GMEB2: variants seen among roughly 807,000 people sequenced by gnomAD.
GMEB2 encodes the protein glucocorticoid modulatory element-binding protein 2.
GMEB2 carries 7 observed loss-of-function variants against 45.7 expected under a neutral mutation model. The ratio of observed to expected loss-of-function variants is 0.15; its 90% CI spans 0.09 to 0.29. The LOEUF is 0.29. GMEB2 is among the 10% of genes least tolerant of loss of function. GMEB2 has a pLI of 1.00. For synonymous variants in GMEB2, 322 were observed against 323.6 expected, an observed-to-expected ratio of 1.00 and a Z score of 0.05; for missense variants, 582 against 739.2, an observed-to-expected ratio of 0.79 and a Z score of 2.47.
chr20:63,589,180 A>G lies in GMEB2; in HGVS notation c.*909T>C, dbSNP rs2083120378. The G allele has an allele frequency of 2.5e-6, 1 of 399,228 alleles. No individual in the cohort carries two copies. The highest frequency in any genetic ancestry group is 4.4e-6 in the Non-Finnish European group (1 of 226,118). 24.7% of individuals were successfully genotyped at this position (399,228 alleles called of 1,614,324 possible). ...GCCTCTGCCCCAGGACTGAAGCCCT[A>G]GGGACACACCTCATGGATCTCAGAC... On this transcript the variant is annotated 3_prime_UTR_variant, in exon 10 of 10. Coordinates refer to ENST00000370077, the MANE Select transcript of GMEB2 (RefSeq NM_012384.5).
rs1197986362 is a variant in GMEB2, at chr20:63,590,636, G to A, written c.1046C>T (p.Pro349Leu). The A allele has an allele frequency of 1.9e-6, 3 of 1,587,714 alleles. No homozygotes were observed. The highest frequency in any genetic ancestry group is 2.6e-6 in the Non-Finnish European group (3 of 1,165,606). The part of the protein sequence containing the change: ...HLSNVLMTLT[P>L]VSLPPPVKRP... ...CTTCACAGGCGGTGGCAGGGAGACCGGCGTCAGCGTCATGAGCACGTTGCT... is the reference window on the plus strand; with the variant it reads ...CTTCACAGGCGGTGGCAGGGAGACCAGCGTCAGCGTCATGAGCACGTTGCT... The change falls in exon 10 of 10, where the codon CCG (proline) becomes CTG (leucine). Residue 349 changes from proline (P) to leucine (L), a missense_variant. Pro to Leu is a moderately conservative substitution (Grantham distance 98). Transcript: ENST00000370077.
intron 9 of GMEB2, 75 bp downstream of exon 9, chr20:63,591,947 C>G: frequency 7.4e-7 from 1 of 1,348,356 alleles, no homozygotes; most frequent in Non-Finnish European, 1.0e-6. Context: ...GGATGCACAG[C>G]CGTGGGGTGA....
chr20:63,623,438 C>T (rs2089651678), intron 1 of GMEB2, among the ~76,000 whole-genome samples: 2 of 152,200 alleles, frequency 1.3e-5, no homozygotes, highest in South Asian at 4.1e-4. Context: ...ATAATGTTTT[C>T]ACTAGCATAA....
At chr20:63,624,135 G>A (rs1055273666) in intron 1 of GMEB2, among the ~76,000 whole-genome samples, 1 of 151,362 alleles carries the variant, frequency 6.6e-6, no homozygotes, top group Non-Finnish European at 1.5e-5. Flanking sequence ...TCAAAAATTT[G>A]GCCAGGCGTG....
chr20:63,621,464 G>A (rs1601036090), intron 1 of GMEB2, among the ~76,000 whole-genome samples: 3 of 151,904 alleles, frequency 2.0e-5, no homozygotes, highest in South Asian at 2.1e-4. Flanking sequence ...TCAGGAGTTC[G>A]AGACCATCCT....
chr20:63,614,126 G>C (rs576971793), intron 2 of GMEB2, among the ~76,000 whole-genome samples: 1 of 152,048 alleles, frequency 6.6e-6, no homozygotes, highest in South Asian at 2.1e-4. Flanking sequence ...AGCTGTTCCG[G>C]TGTAATAAAA....
intron 6 of GMEB2, among the ~76,000 whole-genome samples, chr20:63,595,043 G>GT (rs1391638055): frequency 6.6e-6 from 1 of 152,210 alleles, no homozygotes; most frequent in Non-Finnish European, 1.5e-5. Context: ...CCTAACTGTA[G>GT]TTTTAAGAAA....
At chr20:63,597,979 T>C in intron 4 of GMEB2, 119 bp from the exon 5 acceptor site, 2 of 690,048 alleles carry the variant, frequency 2.9e-6, no homozygotes, top group Non-Finnish European at 2.7e-6. Context: ...GGCACGGCTC[T>C]GACCGGTGCA....
In GMEB2 at chr20:63,619,137, G is replaced by T; in HGVS notation, c.131+130C>A. 1 of 876,300 alleles carries T rather than the reference G, an allele frequency of 1.1e-6. No homozygotes were observed. The highest frequency in any genetic ancestry group is 1.7e-6 in the Non-Finnish European group (1 of 598,930). 54.3% of individuals were successfully genotyped at this position (876,300 alleles called of 1,614,324 possible). Reference sequence around the variant, plus strand: ...GCTCTCTACTTACACACACATTTGAGTCCAGTCTCAGAAGAACTGGAACTA... The same window carrying T: ...GCTCTCTACTTACACACACATTTGATTCCAGTCTCAGAAGAACTGGAACTA... On this transcript the variant is annotated intron_variant, in intron 2 of 9. Transcript: ENST00000370077. The surrounding 1 kb of genome is among the most constrained non-coding windows in gnomAD (Gnocchi z 4.6).
chr20:63,595,587 G>A, intron 6 of GMEB2, 23 bp downstream of exon 6: 1 of 1,575,276 alleles, frequency 6.3e-7, no homozygotes, highest in Non-Finnish European at 8.6e-7. Flanking sequence ...GCTGGGTCAG[G>A]ACGAGCAGCC....
At chr20:63,614,092 C>T (rs975053803) in intron 2 of GMEB2, among the ~76,000 whole-genome samples, 12 of 152,150 alleles carry the variant, frequency 7.9e-5, no homozygotes, top group Non-Finnish European at 1.5e-4. Flanking sequence ...CACCTAGGTG[C>T]CGAGGCAAGA....
At position 63,589,066 on chromosome 20, in the gene GMEB2, GGAGCC is replaced by G; in HGVS notation, c.*1018_*1022del. 1 of 399,126 alleles carries G rather than the reference GGAGCC, an allele frequency of 2.5e-6. No individual in the cohort carries two copies. The highest frequency in any genetic ancestry group is 4.4e-6 in the Non-Finnish European group (1 of 226,444). The allele number at this position is 399,126 out of a possible 1,614,324, so 24.7% of individuals were successfully genotyped here. On this transcript the variant is annotated 3_prime_UTR_variant, in exon 10 of 10. Transcript: ENST00000370077. ...GGGCTGCATGGGGGCCGGGGGCCAGGGAGCCAAGGGCTGTTCCGTGGCCAAGCAGC... is the reference window on the plus strand; with the variant it reads ...GGGCTGCATGGGGGCCGGGGGCCAGGAAGGGCTGTTCCGTGGCCAAGCAGC...
rs2083243640 is a variant in GMEB2, at chr20:63,601,833, C to CTTCTGTGGGGCCTGTGGCT, written c.357+1131_357+1132insAGCCACAGGCCCCACAGAA. Among the ~76,000 whole-genome samples the CTTCTGTGGGGCCTGTGGCT allele has an allele frequency of 2.1e-5, 3 of 145,970 alleles. 1 individual carries two copies. Among genetic ancestry groups the CTTCTGTGGGGCCTGTGGCT allele is most frequent in the Non-Finnish European group, 4.6e-5 (3 of 65,514 alleles). ...CCTGTGGCTTCTGTGCTGCCTGTGGCTTCCGTGGGGCCTGTGGCTTCCGTG... is the reference window on the plus strand; with the variant it reads ...CCTGTGGCTTCTGTGCTGCCTGTGGCTTCTGTGGGGCCTGTGGCTTTCCGTGGGGCCTGTGGCTTCCGTG... On this transcript the variant is annotated intron_variant, in intron 4 of 9. Coordinates refer to ENST00000370077, the MANE Select transcript of GMEB2 (RefSeq NM_012384.5).
At chr20:63,611,186 G>A (rs571441316) in intron 2 of GMEB2, among the ~76,000 whole-genome samples, 17 of 152,362 alleles carry the variant, frequency 1.1e-4, no homozygotes, top group African/African-American at 2.6e-4. Flanking sequence ...ACACAGCACC[G>A]CCTCTGCGTG....
intron 1 of GMEB2, among the ~76,000 whole-genome samples, chr20:63,626,135 C>A (rs1234707924): frequency 1.3e-5 from 2 of 151,910 alleles, no homozygotes; most frequent in African/African-American, 4.8e-5. Context: ...TGGGTCTACA[C>A]AGATCCAGGT....
rs897875073 is a variant in GMEB2 at position 63,619,639 on chromosome 20, G to T, written c.-57-185C>A. On this transcript the variant is annotated intron_variant, in intron 1 of 9. Coordinates refer to ENST00000370077, the MANE Select transcript of GMEB2 (RefSeq NM_012384.5). This position sits in a 1 kb window ranked among gnomAD's most constrained non-coding sequence, Gnocchi z 4.6. ...CTCTGGTTCCGAGGGCGGTGTAAGCGCACTCCACCCGTTTTTCCCACTGGA... is the reference window on the plus strand; with the variant it reads ...CTCTGGTTCCGAGGGCGGTGTAAGCTCACTCCACCCGTTTTTCCCACTGGA... 10 of 373,434 alleles carry T rather than the reference G, an allele frequency of 2.7e-5. No individual in the cohort carries two copies. The highest frequency in any genetic ancestry group is 4.4e-5 in the Non-Finnish European group (9 of 202,952). The allele number at this position is 373,434 out of a possible 1,614,324, so 23.1% of individuals were successfully genotyped here.
intron 2 of GMEB2, among the ~76,000 whole-genome samples, chr20:63,613,390 C>T (rs1292712684): frequency 6.6e-6 from 1 of 152,250 alleles, no homozygotes; most frequent in Non-Finnish European, 1.5e-5. Flanking sequence ...GCCAGCCGTG[C>T]GCCTGTGTCT....
intron 4 of GMEB2, among the ~76,000 whole-genome samples, chr20:63,602,514 C>G (rs999797005): frequency 6.6e-6 from 1 of 152,230 alleles, no homozygotes; most frequent in African/African-American, 2.4e-5. Context: ...CCCCAGGCCT[C>G]AGCACTTCCT....
rs373161645 is a variant in GMEB2 at position 63,604,734 on chromosome 20, G to A, written c.229+9C>T. The A allele has an allele frequency of 6.5e-7, 1 of 1,539,690 alleles. No individual in the cohort carries two copies. The highest frequency in any genetic ancestry group is 1.7e-5 in the Admixed American group (1 of 59,926). ...GAAGGCAGACTTCCCACCTAGGACG[G>A]CTTCCTACCTAACACGGCTTCCTTG... On this transcript the variant is annotated intron_variant, in intron 3 of 9. Transcript: ENST00000370077.
Sources: allele counts gnomAD v4.1 joint callset (sites outside exome capture counted in the v4.1 genomes callset), GRCh38; gene constraint gnomAD v4.1.1; non-coding constraint Gnocchi (gnomAD v3.1); transcripts MANE v1.5; gene names NCBI Gene and HGNC (gene_info 2026-07-23, HGNC 2026-07-21).